RNF212B: variants seen among roughly 807,000 people sequenced by gnomAD.
RNF212B encodes the protein ring finger protein 212B.
A neutral mutation model predicts 55.5 loss-of-function variants in RNF212B; 52 were observed. The ratio of observed to expected loss-of-function variants is 0.94; its 90% CI spans 0.75 to 1.18. RNF212B has a LOEUF of 1.18. Among genes scored for constraint, RNF212B ranks in the 50% most tolerant of loss-of-function variants. RNF212B has a pLI of 0.00. For synonymous variants in RNF212B, 99 were observed against 121.4 expected, an observed-to-expected ratio of 0.82 and a Z score of 1.21; for missense variants, 289 against 350.4, an observed-to-expected ratio of 0.82 and a Z score of 1.40.
chr14:23,215,934 T>G (rs956397519), intron 2 of RNF212B, among the ~76,000 whole-genome samples: 1 of 152,234 alleles, frequency 6.6e-6, no homozygotes, highest in East Asian at 1.9e-4. Context: ...GCATGTATAA[T>G]GTAATCTCTA....
In RNF212B at chr14:23,273,276, A is replaced by G. The variant is rs932949549; in HGVS notation, c.*385A>G. 1.3e-5 allele frequency: 2 copies of G among 158,414 alleles called. No individual in the cohort carries two copies. The highest frequency in any genetic ancestry group is 2.0e-4 in the South Asian group (1 of 5,052). 9.8% of individuals were successfully genotyped at this position (158,414 alleles called of 1,614,324 possible). On this transcript the variant is annotated 3_prime_UTR_variant, in exon 15 of 15. Coordinates refer to ENST00000430154, the MANE Select transcript of RNF212B (RefSeq NM_001282322.3). ...CTGGATTTCATTTTTAGCTTTGGAT[A>G]TACTGTCCCATTGCCAATGTTAACG... is the stretch of plus-strand genomic sequence containing the variant.
intron 1 of RNF212B, 88 bp from the exon 2 acceptor site, chr14:23,240,257 T>A: frequency 1.2e-6 from 1 of 858,510 alleles, no homozygotes; most frequent in Non-Finnish European, 1.8e-6. Context: ...TATCAGAAGC[T>A]AAGCAAGCAC....
intron 2 of RNF212B, among the ~76,000 whole-genome samples, chr14:23,229,223 TATA>T (rs1882318919): frequency 1.7e-4 from 13 of 75,516 alleles, no homozygotes; most frequent in African/African-American, 8.9e-4. Context: ...TAATATTTTA[TATA>T]TATATATATA....
At chr14:23,264,709 C>T in intron 11 of RNF212B, 38 bp downstream of exon 11, 1 of 1,216,938 alleles carries the variant, frequency 8.2e-7, no homozygotes, top group Non-Finnish European at 1.1e-6. Flanking sequence ...AATCAACTTA[C>T]TCTATGCGAA....
At chr14:23,188,633 A>G (rs1267184785) in intron 1 of RNF212B, among the ~76,000 whole-genome samples, 6 of 151,944 alleles carry the variant, frequency 3.9e-5, no homozygotes, top group Admixed American at 2.0e-4. Flanking sequence ...TGCCTGGCAA[A>G]TTTTTAAAAA....
chr14:23,249,476 T>C (rs955661396), intron 4 of RNF212B, among the ~76,000 whole-genome samples: 3 of 152,174 alleles, frequency 2.0e-5, no homozygotes, highest in Non-Finnish European at 4.4e-5. Flanking sequence ...TCCCAAGAGG[T>C]TGAGGCTGCA....
chr14:23,214,456 T>C (rs1359647597), intron 2 of RNF212B, among the ~76,000 whole-genome samples: 1 of 152,040 alleles, frequency 6.6e-6, no homozygotes, highest in Non-Finnish European at 1.5e-5. Flanking sequence ...ATTGCGCCAA[T>C]GTACTCCGGC....
intron 2 of RNF212B, among the ~76,000 whole-genome samples, chr14:23,226,660 G>C (rs1354426811): frequency 6.6e-6 from 1 of 151,898 alleles, no homozygotes; most frequent in Non-Finnish European, 1.5e-5. Flanking sequence ...AAGGGGACAC[G>C]GAAAACCGGT....
chr14:23,226,567 C>A (rs1440805732), intron 2 of RNF212B, among the ~76,000 whole-genome samples: 2 of 151,554 alleles, frequency 1.3e-5, no homozygotes, highest in Non-Finnish European at 2.9e-5. Context: ...GGAGGCGGAG[C>A]TTGCAGTGAG....
chr14:23,246,910 G>A (rs1884022909), intron 4 of RNF212B, among the ~76,000 whole-genome samples: 1 of 152,176 alleles, frequency 6.6e-6, no homozygotes, highest in Non-Finnish European at 1.5e-5. Context: ...GAAGGCCACG[G>A]TGGGTGGATC....
At chr14:23,267,556 G>A (rs1885794621) in intron 11 of RNF212B, among the ~76,000 whole-genome samples, 1 of 151,858 alleles carries the variant, frequency 6.6e-6, no homozygotes, top group African/African-American at 2.4e-5. Flanking sequence ...AGCCTCTTTA[G>A]TAGCTGGGAT....
chr14:23,214,169 A>C (rs1880846423), intron 2 of RNF212B, among the ~76,000 whole-genome samples: 1 of 152,184 alleles, frequency 6.6e-6, no homozygotes, highest in Admixed American at 6.5e-5. Flanking sequence ...TTTTTAAAGT[A>C]GAAAGTCTCA....
At chr14:23,233,465 C>T (rs1223480488), upstream of RNF212B, among the ~76,000 whole-genome samples, 4 of 149,358 alleles carry the variant, frequency 2.7e-5, no homozygotes, top group Non-Finnish European at 5.9e-5. Flanking sequence ...GTGGCTCATG[C>T]CTATAATCCC....
Position 23,270,655 on chromosome 14 carries a change from C to A in RNF212B, c.828C>A (p.Val276=), listed in dbSNP as rs1886009879. The change falls in exon 14 of 15, where the codon GTC becomes GTA. Residue 276 remains valine (V), a synonymous_variant. Coordinates refer to ENST00000430154, the MANE Select transcript of RNF212B (RefSeq NM_001282322.3). ...GTCTTCCTAGTTTCCAGCTACCAGTCCTGCAGGTGAGACCTGGCTAGTCTA... is the reference window on the plus strand; with the variant it reads ...GTCTTCCTAGTTTCCAGCTACCAGTACTGCAGGTGAGACCTGGCTAGTCTA... The part of the protein sequence containing the change: ...LESLPSFQLP[V]LQTLYQQRRH... The A allele has an allele frequency of 1.3e-6, 2 of 1,548,498 alleles. No homozygotes were observed. The highest frequency in any genetic ancestry group is 1.4e-5 in the African/African-American group (1 of 73,014).
chr14:23,209,275 A>G (rs2140385463), intron 2 of RNF212B, among the ~76,000 whole-genome samples: 1 of 152,064 alleles, frequency 6.6e-6, no homozygotes, highest in African/African-American at 2.4e-5. Flanking sequence ...CCTTTACCGC[A>G]ACCTGTTTTA....
chr14:23,271,374 C>T (rs1366146805), intron 14 of RNF212B, among the ~76,000 whole-genome samples: 1 of 151,294 alleles, frequency 6.6e-6, no homozygotes, highest in African/African-American at 2.4e-5. Flanking sequence ...ACCCAGGAGG[C>T]GGAGCTTGCA....
At position 23,269,910 on chromosome 14, in the gene RNF212B, C is replaced by G; in HGVS notation, c.722C>G (p.Ser241Cys). Reference sequence around the variant, plus strand: ...CAGGGGATTTTTTCTTTCAGACCATCCCCAAATGGGCATTCAGGCCACACA... The same window carrying G: ...CAGGGGATTTTTTCTTTCAGACCATGCCCAAATGGGCATTCAGGCCACACA... ...SGQGIFSFRP[S>C]PNGHSGHTRV... The change falls in exon 13 of 15, where the codon TCC becomes TGC. Residue 241 changes from serine (S) to cysteine (C), a missense_variant. Transcript: ENST00000430154. The G allele has an allele frequency of 2.6e-6, 4 of 1,549,864 alleles. No homozygotes were observed. The highest frequency in any genetic ancestry group is 1.4e-5 in the African/African-American group (1 of 73,144).
chr14:23,228,611 C>T (rs1401755083), intron 2 of RNF212B, among the ~76,000 whole-genome samples: 3 of 151,668 alleles, frequency 2.0e-5, no homozygotes, highest in African/African-American at 4.8e-5. Context: ...ATCACATTAA[C>T]GCAATCCAGC....
intron 2 of RNF212B, among the ~76,000 whole-genome samples, chr14:23,203,542 G>A (rs376735597): frequency 8.8e-5 from 13 of 148,464 alleles, no homozygotes; most frequent in African/African-American, 2.5e-4. Flanking sequence ...GCAATGGCAC[G>A]ATCTTGGCTC....
Sources: gnomAD v4.1 joint callset for allele counts (sites outside exome capture counted in the v4.1 genomes callset) on GRCh38, gnomAD v4.1.1 for gene constraint, MANE v1.5 for transcripts, NCBI Gene and HGNC (gene_info 2026-07-23, HGNC 2026-07-21) for gene names.